Variants in RGP1 observed in about 807,000 individuals in gnomAD.
RGP1 encodes the protein RAB6A-GEF complex partner protein 2.
A neutral mutation model predicts 44.5 loss-of-function variants in RGP1; 28 were observed. The ratio of observed to expected loss-of-function variants is 0.63; its 90% CI spans 0.47 to 0.86. The LOEUF (loss-of-function observed/expected upper bound fraction) is 0.86, where lower values mean the gene tolerates loss of function less well. RGP1 is among the 40% of genes least tolerant of loss of function. The pLI, the probability that RGP1 is intolerant of heterozygous loss-of-function variation, is 0.00. For synonymous variants in RGP1, 212 were observed against 196.7 expected (o/e 1.08, Z -0.65); for missense variants, 417 against 490.7 (o/e 0.85, Z 1.42).
Position 35,750,229 on chromosome 9 carries a change from T to TC in RGP1, c.117-12dup. 1 of 1,611,756 alleles carries TC rather than the reference T, an allele frequency of 6.2e-7. No homozygotes were observed. Among genetic ancestry groups the TC allele is most frequent in the Non-Finnish European group, 8.5e-7 (1 of 1,179,118 alleles). On this transcript the variant is annotated splice_polypyrimidine_tract_variant and intron_variant, in intron 2 of 8. Transcript: ENST00000378078. Reference sequence around the variant, plus strand: ...AGGAACTACCTCTGATGCCTCCTTTTCCTTTTCCCACAGTGAGGCCCTGGC... The same window carrying TC: ...AGGAACTACCTCTGATGCCTCCTTTTCCCTTTTCCCACAGTGAGGCCCTGGC...
chr9:35,759,538 G>A (rs539715232), downstream of RGP1, among the ~76,000 whole-genome samples: 3 of 112,948 alleles, frequency 2.7e-5, no homozygotes, highest in African/African-American at 1.0e-4. Context: ...CTGCACTCCA[G>A]CCTGGGTGAC....
At position 35,751,366 on chromosome 9, in the gene RGP1, G is replaced by A. The variant is rs936283151; in HGVS notation, c.588G>A (p.Glu196=). The A allele has an allele frequency of 1.2e-6, 2 of 1,613,996 alleles. No individual in the cohort carries two copies. The highest frequency in any genetic ancestry group is 1.7e-6 in the Non-Finnish European group (2 of 1,179,888). The change falls in exon 6 of 9, where the codon GAG becomes GAA. Residue 196 remains glutamate (E), a synonymous_variant. Coordinates refer to ENST00000378078, the MANE Select transcript of RGP1 (RefSeq NM_001080496.3). ...GGAAGAAAGATTCATGGCTAGCTGAGCTGGCTGGGGAACGCCTAATGGCTG... is the reference window on the plus strand; with the variant it reads ...GGAAGAAAGATTCATGGCTAGCTGAACTGGCTGGGGAACGCCTAATGGCTG... The part of the protein sequence containing the change: ...EGGKKDSWLA[E]LAGERLMAAT...
chr9:35,778,194 C>T, the RGP1 span, among the ~76,000 whole-genome samples: 303 of 152,114 alleles, frequency 2.0e-3, 1 homozygote, highest in South Asian at 0.01. Context: ...CCCAGCTACT[C>T]GGGAGGCTGA....
chr9:35,785,887 C>T, the RGP1 span, among the ~76,000 whole-genome samples: 3 of 152,156 alleles, frequency 2.0e-5, no homozygotes, highest in Non-Finnish European at 4.4e-5. Context: ...ATTTGTTCCT[C>T]TCTCCATTAC....
chr9:35,787,291 G>A, the RGP1 span, among the ~76,000 whole-genome samples: 2 of 152,030 alleles, frequency 1.3e-5, no homozygotes, highest in African/African-American at 4.8e-5. Flanking sequence ...GTGCAGAGGT[G>A]CAGTCTCGGC....
chr9:35,760,255 C>T (rs996898283), downstream of RGP1, among the ~76,000 whole-genome samples: 17 of 150,254 alleles, frequency 1.1e-4, no homozygotes, highest in Non-Finnish European at 1.8e-4. Flanking sequence ...GGCTGATGGG[C>T]GGGGTGGGGG....
chr9:35,787,682 C>T, the RGP1 span, among the ~76,000 whole-genome samples: 1 of 152,232 alleles, frequency 6.6e-6, no homozygotes, highest in Non-Finnish European at 1.5e-5. Context: ...CTGTCTCTCC[C>T]TTATGGGGCT....
At chr9:35,760,939 G>A (rs756006225), downstream of RGP1, among the ~76,000 whole-genome samples, 27 of 152,226 alleles carry the variant, frequency 1.8e-4, no homozygotes, top group Non-Finnish European at 3.2e-4. Context: ...CATGGACTGT[G>A]ATTATGCTGG....
At position 35,749,732 on chromosome 9, in the gene RGP1, T is replaced by C. The variant is rs368015677; in HGVS notation, c.-19-5T>C. 4.9e-5 allele frequency: 77 copies of C among 1,564,694 alleles called. No individual in the cohort carries two copies. Among genetic ancestry groups the C allele is most frequent in the Non-Finnish European group, 6.7e-5 (76 of 1,136,754 alleles). On this transcript the variant is annotated splice_polypyrimidine_tract_variant and splice_region_variant and intron_variant, in intron 1 of 8. Coordinates refer to ENST00000378078, the MANE Select transcript of RGP1 (RefSeq NM_001080496.3). The surrounding 1 kb of genome is among the most constrained non-coding windows in gnomAD (Gnocchi z 4.4). ...TGACCTCCGCCCCGCCTTGTTTCCT[T>C]CTAGATCTGATTCCGGAGCTGCCAT... is the stretch of plus-strand genomic sequence containing the variant.
the RGP1 span, among the ~76,000 whole-genome samples, chr9:35,765,550 G>A: frequency 5.3e-5 from 8 of 151,868 alleles, no homozygotes; most frequent in East Asian, 2.0e-4. Context: ...CCAGCTACTC[G>A]GGAAGCTGAG....
At chr9:35,783,538 T>G in the RGP1 span, among the ~76,000 whole-genome samples, 2 of 150,334 alleles carry the variant, frequency 1.3e-5, no homozygotes, top group East Asian at 3.9e-4. Context: ...CAGTTTTTGT[T>G]TTTTTTTTTA....
the RGP1 span, among the ~76,000 whole-genome samples, chr9:35,787,883 G>A: frequency 3.9e-5 from 6 of 152,134 alleles, no homozygotes; most frequent in Admixed American, 6.5e-5. Context: ...GGACCTGTCC[G>A]TCTGTGTGCA....
the RGP1 span, among the ~76,000 whole-genome samples, chr9:35,781,776 C>G: frequency 6.6e-6 from 1 of 151,728 alleles, no homozygotes; most frequent in Admixed American, 6.6e-5. Flanking sequence ...ATTGCTTATC[C>G]TAACACTGGT....
At chr9:35,771,751 G>A in the RGP1 span, among the ~76,000 whole-genome samples, 2 of 152,210 alleles carry the variant, frequency 1.3e-5, no homozygotes, top group Admixed American at 1.3e-4. Flanking sequence ...AAACAAAGAT[G>A]TGATTGATAA....
chr9:35,758,581 AAAAAG>A (rs946251126), exon 9 of RGP1: 1 of 152,042 alleles, frequency 6.6e-6, no homozygotes, highest in African/African-American at 2.4e-5. Flanking sequence ...TAATGAAAAA[AAAAAG>A]AAAAGAAAAG....
Position 35,749,471 on chromosome 9 carries a change from C to T in RGP1, c.-20+63C>T, listed in dbSNP as rs1827185199. The T allele has an allele frequency of 1.6e-6, 1 of 635,018 alleles. No individual in the cohort carries two copies. Among genetic ancestry groups the T allele is most frequent in the African/African-American group, 1.8e-5 (1 of 55,508 alleles). 39.3% of individuals were successfully genotyped at this position (635,018 alleles called of 1,614,324 possible). A position where few individuals can be genotyped will look rare whatever the true frequency, so the allele number is the denominator to read the frequency against. On this transcript the variant is annotated intron_variant, in intron 1 of 8. Coordinates refer to ENST00000378078, the MANE Select transcript of RGP1 (RefSeq NM_001080496.3). The surrounding 1 kb of genome is among the most constrained non-coding windows in gnomAD (Gnocchi z 4.4). Reference sequence around the variant, plus strand: ...CTTTGAGGAAAGGGGGAGCGGAGGCCAGTTTGGGAACTCCGCGGGGGTGCC... The same window carrying T: ...CTTTGAGGAAAGGGGGAGCGGAGGCTAGTTTGGGAACTCCGCGGGGGTGCC...
the RGP1 span, among the ~76,000 whole-genome samples, chr9:35,770,492 GGAGAGAGAGAGA>G: frequency 0.014 from 1,552 of 107,088 alleles, 12 homozygotes; most frequent in African/African-American, 0.02. Context: ...GTATTACCAT[GGAGAGAGAGAGA>G]GAGAGAGAGA....
downstream of RGP1, among the ~76,000 whole-genome samples, chr9:35,758,776 C>G (rs1827392767): frequency 6.6e-6 from 1 of 152,066 alleles, no homozygotes; most frequent in Non-Finnish European, 1.5e-5. Flanking sequence ...CTACACTTCT[C>G]TTTGCCAACA....
In RGP1 at chr9:35,751,295, G is replaced by A. The variant is rs1827258938; in HGVS notation, c.517G>A (p.Glu173Lys). 3 of 1,614,012 alleles carry A rather than the reference G, an allele frequency of 1.9e-6. No homozygotes were observed. In the East Asian group the frequency reaches 6.7e-5, roughly 36 times the overall value. The change falls in exon 6 of 9, where the codon GAG (glutamate) becomes AAG (lysine). Residue 173 changes from glutamate to lysine, a missense_variant. Glu to Lys is a moderately conservative substitution (Grantham distance 56). Coordinates refer to ENST00000378078, the MANE Select transcript of RGP1 (RefSeq NM_001080496.3). ...GLQDVRFPQDEAVAPSSPFLE... is the reference protein window; with the variant it reads ...GLQDVRFPQDKAVAPSSPFLE... The stretch of plus-strand genomic sequence containing the variant: ...TCAGGATGTCCGGTTTCCCCAGGAT[G>A]AGGCTGTAGCCCCATCCAGTCCATT...
Sources: allele counts gnomAD v4.1 joint callset (sites outside exome capture counted in the v4.1 genomes callset), GRCh38; gene constraint gnomAD v4.1.1; non-coding constraint Gnocchi (gnomAD v3.1); transcripts MANE v1.5; gene names NCBI Gene and HGNC (gene_info 2026-07-23, HGNC 2026-07-21).